The following TNRC6C variants were observed in gnomAD, a reference collection of about 807,000 sequenced individuals.
The protein encoded by TNRC6C is trinucleotide repeat containing adaptor 6C.
In TNRC6C, 20 loss-of-function variants were observed where a neutral mutation model predicts 153.7. The ratio of observed to expected loss-of-function variants is 0.13; its 90% CI spans 0.09 to 0.19. The LOEUF is 0.19. Ranked by LOEUF, TNRC6C falls within the 10% of genes least tolerant of loss-of-function variation. TNRC6C has a pLI of 1.00. For synonymous variants in TNRC6C, 811 were observed against 841.4 expected (o/e 0.96, Z 0.63); for missense variants, 1,987 against 2,172.0 (o/e 0.91, Z 1.69).
intron 2 of TNRC6C, among the ~76,000 whole-genome samples, chr17:78,032,049 T>G (rs1008715476): frequency 6.6e-6 from 1 of 152,246 alleles, no homozygotes; most frequent in Non-Finnish European, 1.5e-5. Context: ...AGTTTGCAGA[T>G]GGCATGAGCT....
chr17:78,076,909 G>A lies in TNRC6C; in HGVS notation c.3061-276G>A, dbSNP rs148179848. Among the ~76,000 whole-genome samples the A allele has an allele frequency of 1.1e-3, 162 of 152,272 alleles. 1 individual carries two copies. The highest frequency in any genetic ancestry group is 3.7e-3 in the African/African-American group (155 of 41,542). ...AAGTGCTTGTTGCCATCCTTCCTCC[G>A]TGCTCCTACCTGAGGCAGGGCCAAT... On this transcript the variant is annotated intron_variant, in intron 8 of 19. Coordinates refer to ENST00000301624, the Ensembl canonical transcript of TNRC6C.
rs373922897 is a variant in TNRC6C, at chr17:78,075,193, A to G, written c.2975A>G (p.His992Arg). 25 of 1,610,234 alleles carry G rather than the reference A, an allele frequency of 1.6e-5. No homozygotes were observed. Among genetic ancestry groups the G allele is most frequent in the Admixed American group, 1.7e-5 (1 of 59,478 alleles). ...AAGCGTGGGCTGGGAGTGACCGACC[A>G]TAATGGAATGGCCGCCAAGCCCCTC... is the stretch of plus-strand genomic sequence containing the variant. The change falls in exon 8 of 20, where the codon CAT becomes CGT. Residue 992 changes from histidine (H) to arginine (R), a missense_variant. By Grantham distance (29) the His-to-Arg change is conservative. Around this residue, in one of 4 missense-constraint regions of TNRC6C, gnomAD observed 765 missense variants for 908.6 expected, o/e 0.84. Coordinates refer to ENST00000301624, the Ensembl canonical transcript of TNRC6C. This position sits in a 1 kb window ranked among gnomAD's most constrained non-coding sequence, Gnocchi z 4.2.
At chr17:78,091,752 T>A in intron 14 of TNRC6C, 145 bp downstream of exon 16, 1 of 938,876 alleles carries the variant, frequency 1.1e-6, no homozygotes, top group Non-Finnish European at 1.4e-6. Context: ...TTATAGTGCA[T>A]ATAAGATCTC....
Position 78,049,413 on chromosome 17 carries a change from C to T in TNRC6C, c.351C>T (p.Thr117=), listed in dbSNP as rs143949031. The change falls in exon 3 of 20, where the codon ACC becomes ACT. Residue 117 remains threonine, a synonymous_variant. Coordinates refer to ENST00000301624, the Ensembl canonical transcript of TNRC6C. The surrounding 1 kb of genome is among the most constrained non-coding windows in gnomAD (Gnocchi z 4.1). Reference sequence around the variant, plus strand: ...GGCCTGTACTTGGACATGAAGGAACCGTGGCGACAGGCAACCCTTCCAGTA... The same window carrying T: ...GGCCTGTACTTGGACATGAAGGAACTGTGGCGACAGGCAACCCTTCCAGTA... 20 of 1,613,972 alleles carry T rather than the reference C, an allele frequency of 1.2e-5. No homozygotes were observed. In the East Asian group the frequency reaches 1.8e-4, roughly 14 times the overall value.
Position 78,098,402 on chromosome 17 carries a change from T to G in TNRC6C, c.4366T>G (p.Ser1456Ala), listed in dbSNP as rs766523537. Residue 1456 changes from serine to alanine, a missense_variant, in exon 17 of 20, where the codon TCT (serine) becomes GCT (alanine). Coordinates refer to ENST00000301624, the Ensembl canonical transcript of TNRC6C. The stretch of plus-strand genomic sequence containing the variant: ...TGGCCCTACCTCCCACACGCAAGCC[T>G]CTCTGTCTCATGAACTATGGAAGGT... 8 of 1,613,884 alleles carry G rather than the reference T, an allele frequency of 5.0e-6. No individual in the cohort carries two copies. The South Asian group carries it at 8.8e-5, about 18-fold the overall frequency.
At chr17:78,054,346 C>T (rs970138439) in intron 3 of TNRC6C, among the ~76,000 whole-genome samples, 2 of 151,652 alleles carry the variant, frequency 1.3e-5, no homozygotes, top group Non-Finnish European at 2.9e-5. Context: ...CACACTACTG[C>T]AGACTACGCA....
At chr17:77,984,258 C>T (rs561272176) in intron 1 of TNRC6C, among the ~76,000 whole-genome samples, 10 of 151,914 alleles carry the variant, frequency 6.6e-5, no homozygotes, top group South Asian at 4.2e-4. Flanking sequence ...CGGTGGCTCA[C>T]GCCTGTAATC....
chr17:78,016,441 G>A (rs978414456), intron 1 of TNRC6C, among the ~76,000 whole-genome samples: 1 of 152,266 alleles, frequency 6.6e-6, no homozygotes, highest in Non-Finnish European at 1.5e-5. Context: ...CACCAGGTGT[G>A]CCTGTGGTGG....
chr17:78,083,101 C>T, exon 11 of TNRC6C: 1 of 1,614,016 alleles, frequency 6.2e-7, no homozygotes, highest in South Asian at 1.1e-5. Flanking sequence ...CAACCCTGCA[C>T]TATTAACCTC....
intron 1 of TNRC6C, among the ~76,000 whole-genome samples, chr17:77,976,931 G>GGA (rs1167519132): frequency 9.7e-4 from 45 of 46,584 alleles, no homozygotes; most frequent in African/African-American, 3.9e-3. Context: ...CTCCATCTCA[G>GGA]AAAAAAAAAA....
At chr17:77,961,226 G>C (rs974435920) in intron 1 of TNRC6C, among the ~76,000 whole-genome samples, 3 of 151,252 alleles carry the variant, frequency 2.0e-5, no homozygotes, top group African/African-American at 7.3e-5. Context: ...CACGATCTCG[G>C]GTCACTGCAA....
chr17:78,021,185 T>C (rs559701147), intron 1 of TNRC6C, among the ~76,000 whole-genome samples: 67 of 152,308 alleles, frequency 4.4e-4, no homozygotes, highest in African/African-American at 1.6e-3. Context: ...TACTCAGGCA[T>C]CAGTAGCACA....
chr17:78,038,228 A>G (rs919645428), intron 2 of TNRC6C, among the ~76,000 whole-genome samples: 1 of 152,258 alleles, frequency 6.6e-6, no homozygotes, highest in Non-Finnish European at 1.5e-5. Flanking sequence ...CTGAGAGGAC[A>G]TGTTTACAGT....
intron 6 of TNRC6C, among the ~76,000 whole-genome samples, chr17:78,071,560 G>C (rs1466547553): frequency 6.6e-6 from 1 of 151,970 alleles, no homozygotes; most frequent in Admixed American, 6.6e-5. Flanking sequence ...GCTAATTTTT[G>C]TATTTTTGGT....
chr17:78,080,370 G>A (rs910445510), intron 10 of TNRC6C, among the ~76,000 whole-genome samples: 24 of 152,214 alleles, frequency 1.6e-4, no homozygotes, highest in African/African-American at 5.1e-4. Context: ...CGCTTGACCC[G>A]GGGAGGTGGA....
chr17:77,968,009 A>G (rs967590586), intron 1 of TNRC6C, among the ~76,000 whole-genome samples: 1 of 152,106 alleles, frequency 6.6e-6, no homozygotes, highest in African/African-American at 2.4e-5. Flanking sequence ...AAAATTTGAG[A>G]TGTAGTTATT....
intron 1 of TNRC6C, among the ~76,000 whole-genome samples, chr17:77,977,897 T>A (rs1047076484): frequency 7.1e-6 from 1 of 141,264 alleles, no homozygotes; most frequent in Non-Finnish European, 1.5e-5. Flanking sequence ...ACCTCTTTTT[T>A]TTTTTTTTTT....
chr17:77,966,458 A>G (rs1470402997), intron 1 of TNRC6C, among the ~76,000 whole-genome samples: 2 of 152,242 alleles, frequency 1.3e-5, no homozygotes, highest in Non-Finnish European at 2.9e-5. Flanking sequence ...AAATAATACA[A>G]AATGATTGAC....
intron 1 of TNRC6C, among the ~76,000 whole-genome samples, chr17:77,959,592 G>GC (rs1181814536): frequency 1.3e-5 from 2 of 152,140 alleles, no homozygotes; most frequent in African/African-American, 2.4e-5. Context: ...TTTCCGGGCA[G>GC]CCCCCCGCAG....
Sources: gnomAD v4.1 joint callset for allele counts (sites outside exome capture counted in the v4.1 genomes callset) on GRCh38, gnomAD v4.1.1 for gene constraint, gnomAD v4.1.1 regional missense constraint, Gnocchi (gnomAD v3.1) non-coding constraint, MANE v1.5 for transcripts, NCBI Gene and HGNC (gene_info 2026-07-23, HGNC 2026-07-21) for gene names.